Variants in SLCO3A1 observed in about 807,000 individuals in gnomAD.
SLCO3A1 encodes solute carrier organic anion transporter family member 3A1.
Under a neutral mutation model 63.1 loss-of-function variants are expected in SLCO3A1, and 27 were observed. The ratio of observed to expected loss-of-function variants is 0.43; its 90% CI spans 0.32 to 0.59. The LOEUF (loss-of-function observed/expected upper bound fraction) is 0.59. SLCO3A1 is among the 20% of genes least tolerant of loss of function. The pLI, the probability that SLCO3A1 is intolerant of heterozygous loss-of-function variation, is 0.09. For synonymous variants in SLCO3A1, 473 were observed against 409.9 expected, an observed-to-expected ratio of 1.15 and a Z score of -1.86; for missense variants, 773 against 945.8, an observed-to-expected ratio of 0.82 and a Z score of 2.40.
At chr15:92,032,591 T>A (rs1484836080) in intron 2 of SLCO3A1, among the ~76,000 whole-genome samples, 1 of 152,086 alleles carries the variant, frequency 6.6e-6, no homozygotes, top group Non-Finnish European at 1.5e-5. Flanking sequence ...ATGGACAAAC[T>A]GGGTGAAAGC....
intron 9 of SLCO3A1, among the ~76,000 whole-genome samples, chr15:92,152,351 T>C (rs1280647353): frequency 6.6e-6 from 1 of 152,258 alleles, no homozygotes; most frequent in Non-Finnish European, 1.5e-5. Flanking sequence ...TCATTCCCTC[T>C]GTGCCTGGTA....
At chr15:91,905,757 A>G (rs4932590) in intron 1 of SLCO3A1, among the ~76,000 whole-genome samples, 18,727 of 152,130 alleles carry the variant, frequency 0.12, 1,372 homozygotes, top group East Asian at 0.32. Flanking sequence ...AAAGAAAACT[A>G]TTTCTCTTTG....
At chr15:92,046,583 G>A (rs1298535814) in intron 2 of SLCO3A1, among the ~76,000 whole-genome samples, 1 of 152,088 alleles carries the variant, frequency 6.6e-6, no homozygotes, top group Admixed American at 6.6e-5. Context: ...CTGTGCACAT[G>A]TGTCAGAATC....
chr15:92,072,201 G>GTT (rs1567103625), intron 2 of SLCO3A1, among the ~76,000 whole-genome samples: 1,572 of 131,594 alleles, frequency 0.012, 33 homozygotes, highest in African/African-American at 0.039. Context: ...TCTTTTTTTT[G>GTT]GTTTTTTTTT....
At chr15:92,035,086 G>A (rs1468037388) in intron 2 of SLCO3A1, among the ~76,000 whole-genome samples, 1 of 151,858 alleles carries the variant, frequency 6.6e-6, no homozygotes, top group Non-Finnish European at 1.5e-5. Context: ...AGGTACATGG[G>A]TTTTTGAACT....
At chr15:92,008,377 A>G (rs546447184) in intron 2 of SLCO3A1, among the ~76,000 whole-genome samples, 1 of 151,794 alleles carries the variant, frequency 6.6e-6, no homozygotes, top group Non-Finnish European at 1.5e-5. Context: ...TTCTTTCTGA[A>G]CTCCAGTTTG....
chr15:92,141,188 C>T lies in SLCO3A1; in HGVS notation c.1513-5796C>T, dbSNP rs571433155. ...GATGCCAAGCAGAGAATTCACCTCT[C>T]GCAGAGGCAGCAGGGACTGCATTTC... On this transcript the variant is annotated intron_variant, in intron 7 of 9. Transcript: ENST00000318445. 2.4e-4 allele frequency among the ~76,000 whole-genome samples: 37 copies of T among 152,288 alleles called. No individual in the cohort carries two copies. The South Asian group carries it at 3.3e-3, about 14-fold the overall frequency.
intron 9 of SLCO3A1, among the ~76,000 whole-genome samples, chr15:92,153,792 G>A (rs1284889484): frequency 6.6e-6 from 1 of 152,144 alleles, no homozygotes; most frequent in East Asian, 1.9e-4. Flanking sequence ...GACTTACGGG[G>A]TAAAAGCCCG....
intron 2 of SLCO3A1, among the ~76,000 whole-genome samples, chr15:92,000,831 C>CACGCTTGT (rs1371499137): frequency 5.3e-5 from 8 of 152,328 alleles, no homozygotes; most frequent in Non-Finnish European, 1.2e-4. Context: ...TGTGTGCACA[C>CACGCTTGT]ACGCTTGTAC....
chr15:91,980,191 T>C (rs972575152), intron 2 of SLCO3A1, among the ~76,000 whole-genome samples: 10 of 152,148 alleles, frequency 6.6e-5, no homozygotes, highest in Non-Finnish European at 8.8e-5. Flanking sequence ...CTCACATTTC[T>C]CAGGGGTTGG....
chr15:92,079,292 C>G (rs1248286005), intron 2 of SLCO3A1, among the ~76,000 whole-genome samples: 4 of 152,220 alleles, frequency 2.6e-5, no homozygotes, highest in Non-Finnish European at 4.4e-5. Context: ...GATCCCCACT[C>G]TGGTCTTGGG....
Position 92,164,637 on chromosome 15 carries a change from A to C in SLCO3A1, c.*1502A>C. ...CATCTCTGATAACGAATAGACCCAC[A>C]AGCTCCTGGAAGCTGTCGTGTGTCC... is the stretch of plus-strand genomic sequence containing the variant. On this transcript the variant is annotated 3_prime_UTR_variant, in exon 10 of 10. Coordinates refer to ENST00000318445, the MANE Select transcript of SLCO3A1 (RefSeq NM_013272.4). 1 of 985,370 alleles carries C rather than the reference A, an allele frequency of 1.0e-6. No individual in the cohort carries two copies. Among genetic ancestry groups the C allele is most frequent in the South Asian group, 4.7e-5 (1 of 21,292 alleles). The allele number at this position is 985,370 out of a possible 1,614,324, so 61.0% of individuals were successfully genotyped here.
intron 1 of SLCO3A1, among the ~76,000 whole-genome samples, chr15:91,870,830 G>A (rs549643967): frequency 6.7e-6 from 1 of 149,580 alleles, no homozygotes; most frequent in Admixed American, 6.6e-5. Flanking sequence ...TTATTTTCTA[G>A]GGTTGGCTTT....
At chr15:91,983,688 C>G (rs952834460) in intron 2 of SLCO3A1, among the ~76,000 whole-genome samples, 3 of 152,124 alleles carry the variant, frequency 2.0e-5, no homozygotes, top group African/African-American at 4.8e-5. Context: ...CTGTGAAAAT[C>G]AGTGTTTAAA....
chr15:91,931,851 CAG>C (rs1307450046), intron 2 of SLCO3A1, among the ~76,000 whole-genome samples: 1 of 150,724 alleles, frequency 6.6e-6, no homozygotes, highest in Non-Finnish European at 1.5e-5. Flanking sequence ...AGGGAAAAAA[CAG>C]AGATTGCTAT....
At chr15:91,923,878 A>G (rs909314689) in intron 2 of SLCO3A1, among the ~76,000 whole-genome samples, 2 of 152,166 alleles carry the variant, frequency 1.3e-5, no homozygotes, top group Non-Finnish European at 2.9e-5. Flanking sequence ...AGATAATTGC[A>G]TATTATTTTG....
At chr15:91,884,469 G>A (rs550653403) in intron 1 of SLCO3A1, among the ~76,000 whole-genome samples, 58 of 145,022 alleles carry the variant, frequency 4.0e-4, no homozygotes, top group African/African-American at 1.4e-3. Context: ...CCGAGATCGC[G>A]TCACTGCGCT....
At chr15:92,135,118 C>T (rs1052852621) in intron 7 of SLCO3A1, among the ~76,000 whole-genome samples, 6 of 152,134 alleles carry the variant, frequency 3.9e-5, no homozygotes, top group African/African-American at 1.2e-4. Context: ...TGAGGTGTGA[C>T]AATTTGGACC....
At chr15:91,870,663 C>T (rs1567164410) in intron 1 of SLCO3A1, among the ~76,000 whole-genome samples, 1 of 152,204 alleles carries the variant, frequency 6.6e-6, no homozygotes, top group Non-Finnish European at 1.5e-5. Context: ...CTGTATGTTA[C>T]ATTGTCTTTG....
Sources: allele counts gnomAD v4.1 joint callset (sites outside exome capture counted in the v4.1 genomes callset), GRCh38; gene constraint gnomAD v4.1.1; transcripts MANE v1.5; gene names NCBI Gene and HGNC (gene_info 2026-07-23, HGNC 2026-07-21).